IQCM: variants seen among roughly 807,000 people sequenced by gnomAD.
IQCM encodes IQ motif containing M.
In IQCM, 45 loss-of-function variants were observed where a neutral mutation model predicts 57.6. The ratio of observed to expected loss-of-function variants is 0.78; its 90% CI spans 0.62 to 1.00. IQCM has a LOEUF of 1.00. Ranked by LOEUF, IQCM falls within the 50% of genes least tolerant of loss-of-function variation. The pLI is 0.00. For missense variants in IQCM, 468 were observed against 511.6 expected, an observed-to-expected ratio of 0.91 and a Z score of 0.82; for synonymous variants, 148 against 158.9, an observed-to-expected ratio of 0.93 and a Z score of 0.51.
intron 7 of IQCM, among the ~76,000 whole-genome samples, chr4:149,653,108 A>C (rs1346218696): frequency 6.6e-6 from 1 of 152,204 alleles, no homozygotes; most frequent in Non-Finnish European, 1.5e-5. Flanking sequence ...AAATCAATAA[A>C]GATCTTAACT....
intron 8 of IQCM, among the ~76,000 whole-genome samples, chr4:149,618,737 CT>C (rs565394143): frequency 2.0e-4 from 31 of 152,094 alleles, no homozygotes; most frequent in Non-Finnish European, 4.0e-4. Flanking sequence ...TGAAAAAATG[CT>C]CCACATCACT....
At chr4:149,646,256 G>A (rs1414602025) in intron 7 of IQCM, among the ~76,000 whole-genome samples, 1 of 152,012 alleles carries the variant, frequency 6.6e-6, no homozygotes, top group Non-Finnish European at 1.5e-5. Flanking sequence ...TATGTCTCTT[G>A]ATTAGACCTA....
At chr4:149,699,953 G>A (rs986028055) in intron 5 of IQCM, among the ~76,000 whole-genome samples, 3 of 151,884 alleles carry the variant, frequency 2.0e-5, no homozygotes, top group Non-Finnish European at 4.4e-5. Flanking sequence ...GGAGGAGGGG[G>A]AAATGTGCCT....
intron 12 of IQCM, among the ~76,000 whole-genome samples, chr4:149,505,501 C>G (rs1232083656): frequency 1.3e-5 from 2 of 152,078 alleles, no homozygotes; most frequent in African/African-American, 4.8e-5. Flanking sequence ...AAATGTTGCT[C>G]TATAGTTTTT....
chr4:149,562,478 G>T (rs1447225564), intron 10 of IQCM, among the ~76,000 whole-genome samples: 2 of 152,148 alleles, frequency 1.3e-5, no homozygotes, highest in African/African-American at 4.8e-5. Context: ...AGAAAAGAAA[G>T]AGCTTTGTGG....
intron 5 of IQCM, among the ~76,000 whole-genome samples, chr4:149,686,673 G>C (rs1196453324): frequency 1.3e-5 from 2 of 151,530 alleles, no homozygotes; most frequent in African/African-American, 2.4e-5. Context: ...CTAAACTTTA[G>C]GACTGAAAAT....
chr4:149,366,371 C>A (rs1057487403), intron 13 of IQCM, among the ~76,000 whole-genome samples: 1 of 151,886 alleles, frequency 6.6e-6, no homozygotes, highest in Admixed American at 6.6e-5. Context: ...TTTCAATCCT[C>A]TTTCCCAGCT....
At chr4:149,572,309 CAG>C (rs1182241910) in intron 9 of IQCM, among the ~76,000 whole-genome samples, 6 of 151,442 alleles carry the variant, frequency 4.0e-5, no homozygotes, top group Admixed American at 1.3e-4. Flanking sequence ...ATTTTAGAAA[CAG>C]AGTCTTGCTC....
chr4:149,581,722 CTG>C (rs1752201234), intron 9 of IQCM, among the ~76,000 whole-genome samples: 4 of 151,652 alleles, frequency 2.6e-5, no homozygotes, highest in Admixed American at 2.0e-4. Context: ...ATTTGAAATA[CTG>C]TGTTTTTTCC....
intron 13 of IQCM, among the ~76,000 whole-genome samples, chr4:149,401,791 C>G (rs1021779241): frequency 1.3e-5 from 2 of 151,756 alleles, no homozygotes; most frequent in Non-Finnish European, 3.0e-5. Context: ...TTCAGCACTG[C>G]TAATGAAAAT....
chr4:149,363,717 G>C (rs1290739701), intron 13 of IQCM, among the ~76,000 whole-genome samples: 63 of 152,048 alleles, frequency 4.1e-4, no homozygotes, highest in Non-Finnish European at 2.1e-4. Flanking sequence ...AAAACATATT[G>C]TATTTCTGAG....
chr4:149,538,070 T>C (rs1280945191), intron 12 of IQCM, among the ~76,000 whole-genome samples: 1 of 151,456 alleles, frequency 6.6e-6, no homozygotes, highest in African/African-American at 2.4e-5. Context: ...TGCAGATATC[T>C]TTTATACACT....
chr4:149,522,869 T>C (rs1344622626), intron 12 of IQCM, among the ~76,000 whole-genome samples: 1 of 152,178 alleles, frequency 6.6e-6, no homozygotes, highest in Non-Finnish European at 1.5e-5. Context: ...AATAGGTATA[T>C]CCTGGTAAAA....
intron 13 of IQCM, among the ~76,000 whole-genome samples, chr4:149,358,881 G>GAGTATATCATGATAT (rs1187484408): frequency 1.1e-3 from 85 of 80,756 alleles, no homozygotes; most frequent in African/African-American, 1.5e-3. Flanking sequence ...TATATCATGA[G>GAGTATATCATGATAT]ACCACAGTGG....
chr4:149,677,102 T>C (rs577573079), intron 7 of IQCM, among the ~76,000 whole-genome samples: 2 of 152,182 alleles, frequency 1.3e-5, no homozygotes, highest in South Asian at 4.1e-4. Flanking sequence ...GTTTTGACAC[T>C]GGAAAAGTGA....
At chr4:149,642,794 C>T (rs543144606) in intron 7 of IQCM, among the ~76,000 whole-genome samples, 2 of 152,122 alleles carry the variant, frequency 1.3e-5, no homozygotes, top group South Asian at 4.1e-4. Flanking sequence ...TATTTAGGGA[C>T]ACAAACAAGT....
intron 12 of IQCM, among the ~76,000 whole-genome samples, chr4:149,515,573 G>A (rs2884720): frequency 0.024 from 3,677 of 152,270 alleles, 60 homozygotes; most frequent in Non-Finnish European, 0.038. Flanking sequence ...GGTTCTGCAC[G>A]ATATGCAGGT....
intron 12 of IQCM, among the ~76,000 whole-genome samples, chr4:149,511,654 T>C (rs555796445): frequency 6.6e-6 from 1 of 152,300 alleles, no homozygotes; most frequent in Non-Finnish European, 1.5e-5. Flanking sequence ...TGGCATGTTG[T>C]CCTCCCCTGT....
intron 12 of IQCM, among the ~76,000 whole-genome samples, chr4:149,503,138 T>C (rs548704275): frequency 6.7e-4 from 102 of 152,184 alleles, no homozygotes; most frequent in Non-Finnish European, 7.6e-4. Flanking sequence ...GGAGGACTGC[T>C]TGAGCCCAGA....
Sources: gnomAD v4.1 joint callset for allele counts (sites outside exome capture counted in the v4.1 genomes callset) on GRCh38, gnomAD v4.1.1 for gene constraint, MANE v1.5 for transcripts, NCBI Gene and HGNC (gene_info 2026-07-23, HGNC 2026-07-21) for gene names.